The following ADAMTS7 variants were observed in gnomAD, a reference collection of about 807,000 sequenced individuals.
ADAMTS7 encodes A disintegrin and metalloproteinase with thrombospondin motifs 7.
Under a neutral mutation model 172.6 loss-of-function variants are expected in ADAMTS7, and 89 were observed. That is an observed-to-expected ratio of 0.52 (90% confidence interval 0.43 to 0.61). The LOEUF is 0.61. Ranked by LOEUF, ADAMTS7 falls within the 20% of genes least tolerant of loss-of-function variation. The probability of loss-of-function intolerance (pLI) is 0.00; values close to 1 mark genes in which losing one functional copy is unlikely to be tolerated. For missense variants in ADAMTS7, 1,973 were observed against 2,355.6 expected (o/e 0.84, Z 3.36); for synonymous variants, 885 against 978.4 (o/e 0.90, Z 1.78).
At chr15:78,789,050 G>A (rs1472637093) in intron 7 of ADAMTS7, among the ~76,000 whole-genome samples, 2 of 152,218 alleles carry the variant, frequency 1.3e-5, no homozygotes, top group East Asian at 1.9e-4. Context: ...CTGCAGGCAC[G>A]GCCATCGCCT....
chr15:78,770,927 G>C, intron 16 of ADAMTS7: 2 of 575,260 alleles, frequency 3.5e-6, no homozygotes, highest in Non-Finnish European at 3.1e-6. Context: ...CCAAGAGCTG[G>C]AGCACACTGA....
At chr15:78,763,870 G>T (rs775564536) in intron 21 of ADAMTS7, 25 bp from the exon 22 acceptor site, 27 of 1,576,634 alleles carry the variant, frequency 1.7e-5, no homozygotes, top group Admixed American at 5.5e-5. Context: ...AAGGAGTCAG[G>T]GCACAGCCAG....
At chr15:78,806,893 A>G (rs570841641) in intron 1 of ADAMTS7, among the ~76,000 whole-genome samples, 1 of 152,220 alleles carries the variant, frequency 6.6e-6, no homozygotes, top group South Asian at 2.1e-4. Context: ...CAGCCTCCCA[A>G]GTAGCTGTAA....
At chr15:78,781,018 G>A (rs1244906143) in intron 8 of ADAMTS7, among the ~76,000 whole-genome samples, 3 of 152,160 alleles carry the variant, frequency 2.0e-5, no homozygotes, top group Admixed American at 6.5e-5. Flanking sequence ...GATGGACATG[G>A]AGTCTGTGGA....
chr15:78,793,794 G>A (rs2055610351), intron 4 of ADAMTS7, among the ~76,000 whole-genome samples: 1 of 152,224 alleles, frequency 6.6e-6, no homozygotes, highest in East Asian at 1.9e-4. Flanking sequence ...GGCCCACCCC[G>A]GCCACCATGG....
chr15:78,788,908 A>G (rs1276278509), intron 7 of ADAMTS7, among the ~76,000 whole-genome samples: 11 of 152,180 alleles, frequency 7.2e-5, no homozygotes, highest in Admixed American at 5.2e-4. Context: ...CAGAAACACA[A>G]TCTCACTCAG....
intron 11 of ADAMTS7, among the ~76,000 whole-genome samples, chr15:78,775,916 C>T (rs2055336097): frequency 6.6e-6 from 1 of 152,206 alleles, no homozygotes; most frequent in Non-Finnish European, 1.5e-5. Context: ...CTCCTTCCAG[C>T]CAGCAGCTGC....
chr15:78,764,456 G>A (rs1445603265), intron 20 of ADAMTS7, 99 bp downstream of exon 20: 3 of 1,409,834 alleles, frequency 2.1e-6, no homozygotes, highest in Non-Finnish European at 2.8e-6. Flanking sequence ...GCAGCCTGGG[G>A]CCCTCCCCTT....
intron 4 of ADAMTS7, among the ~76,000 whole-genome samples, chr15:78,794,360 G>C (rs1201352588): frequency 6.6e-6 from 1 of 152,260 alleles, no homozygotes; most frequent in East Asian, 1.9e-4. Context: ...CAGGGCCTTA[G>C]GCCGTGGCTC....
intron 1 of ADAMTS7, among the ~76,000 whole-genome samples, chr15:78,806,186 C>T (rs1266281872): frequency 6.8e-6 from 1 of 148,102 alleles, no homozygotes; most frequent in Non-Finnish European, 1.5e-5. Flanking sequence ...ACCCAAGACC[C>T]CCACTCTGGC....
At chr15:78,778,429 C>A (rs1435004524) in intron 8 of ADAMTS7, among the ~76,000 whole-genome samples, 1 of 152,246 alleles carries the variant, frequency 6.6e-6, no homozygotes, top group East Asian at 1.9e-4. Flanking sequence ...CAGTGACCAG[C>A]CTGCTGCCCC....
intron 4 of ADAMTS7, among the ~76,000 whole-genome samples, chr15:78,794,777 G>A (rs2055622632): frequency 6.6e-6 from 1 of 152,162 alleles, no homozygotes; most frequent in South Asian, 2.1e-4. Context: ...GAGTGCAGTG[G>A]CACGATCTCA....
chr15:78,759,680 C>G lies in ADAMTS7; in HGVS notation c.4904-102G>C, dbSNP rs183598497. The G allele has an allele frequency of 5.6e-5, 75 of 1,330,918 alleles. No individual in the cohort carries two copies. In the East Asian group the frequency reaches 2.1e-3, roughly 37 times the overall value. The allele number at this position is 1,330,918 out of a possible 1,614,324, so 82.4% of individuals were successfully genotyped here. A position where few individuals can be genotyped will look rare whatever the true frequency, so the allele number is the denominator to read the frequency against. On this transcript the variant is annotated intron_variant, in intron 23 of 23. Transcript: ENST00000388820. ...TTAAGGAGGCTCCAGCAGCTCCCCA[C>G]CAAGCAGAGAGCCCCAGTTTCTGGA...
intron 8 of ADAMTS7, among the ~76,000 whole-genome samples, chr15:78,786,209 C>T (rs2055501046): frequency 1.3e-5 from 2 of 152,000 alleles, no homozygotes; most frequent in African/African-American, 4.8e-5. Flanking sequence ...GGATTACAGG[C>T]ATAAGCCACC....
chr15:78,767,038 C>T lies in ADAMTS7; in HGVS notation c.2873G>A (p.Cys958Tyr), dbSNP rs772286366. Residue 958 changes from cysteine to tyrosine, a missense_variant, in exon 19 of 24, where the codon TGT becomes TAT. This residue lies in a region of ADAMTS7 where 771 missense variants were observed against 952.6 expected (regional missense o/e 0.81). Transcript: ENST00000388820. ...ATTTCGGCGCTGAGTGCCCTCCCCA[C>T]ATGTCACTGAGCACTGCAGGGGAAG... ...VGNWSQCSVT[C>Y]GEGTQRRNVL... The T allele has an allele frequency of 6.4e-6, 10 of 1,558,060 alleles. No homozygotes were observed. Among genetic ancestry groups the T allele is most frequent in the South Asian group, 2.5e-5 (2 of 80,346 alleles).
chr15:78,775,594 G>A (rs1392819410), intron 11 of ADAMTS7, among the ~76,000 whole-genome samples: 8 of 152,008 alleles, frequency 5.3e-5, no homozygotes, highest in East Asian at 1.9e-4. Context: ...GGCCCAGAGA[G>A]GTGAAGTCGC....
chr15:78,768,294 C>T (rs2055193816), intron 16 of ADAMTS7, 35 bp from the exon 17 acceptor site: 1 of 1,608,952 alleles, frequency 6.2e-7, no homozygotes, highest in Non-Finnish European at 8.5e-7. Flanking sequence ...GGACTGGCAC[C>T]CAGGTGCCCA....
intron 8 of ADAMTS7, among the ~76,000 whole-genome samples, chr15:78,784,096 C>T (rs766714748): frequency 1.3e-4 from 20 of 151,968 alleles, no homozygotes; most frequent in African/African-American, 3.1e-4. Context: ...TGGCTGGGCA[C>T]GCTGGCTCAT....
At chr15:78,775,109 T>C (rs1403381741) in intron 11 of ADAMTS7, among the ~76,000 whole-genome samples, 1 of 152,188 alleles carries the variant, frequency 6.6e-6, no homozygotes, top group Admixed American at 6.5e-5. Context: ...GGGCTGCTTC[T>C]GCAGAGGGCT....
Sources: allele counts gnomAD v4.1 joint callset (sites outside exome capture counted in the v4.1 genomes callset), GRCh38; gene constraint gnomAD v4.1.1; regional missense constraint gnomAD v4.1.1; transcripts MANE v1.5; gene names NCBI Gene and HGNC (gene_info 2026-07-23, HGNC 2026-07-21).